The following LRP1B variants were observed in gnomAD, a reference collection of about 807,000 sequenced individuals.
The protein encoded by LRP1B is LDL receptor related protein 1B, also known as low-density lipoprotein receptor-related protein 1B.
Under a neutral mutation model 556.6 loss-of-function variants are expected in LRP1B, and 217 were observed. The observed-to-expected ratio is 0.39, with a 90% confidence interval of 0.35 to 0.44. The LOEUF is 0.44. LRP1B is among the 20% of genes least tolerant of loss of function. LRP1B has a pLI of 1.00. For synonymous variants in LRP1B, 2,047 were observed against 1,865.8 expected (o/e 1.10, Z -2.50); for missense variants, 5,053 against 5,620.8 (o/e 0.90, Z 3.23).
At chr2:140,552,395 T>C (rs1012959140) in intron 43 of LRP1B, among the ~76,000 whole-genome samples, 4 of 152,140 alleles carry the variant, frequency 2.6e-5, no homozygotes, top group African/African-American at 9.7e-5. Context: ...TCTAATAGTT[T>C]AGTTTTTACT....
chr2:141,588,937 G>A (rs749665791), intron 2 of LRP1B, among the ~76,000 whole-genome samples: 2 of 152,046 alleles, frequency 1.3e-5, no homozygotes, highest in African/African-American at 2.4e-5. Context: ...AATTTAACCT[G>A]CAATCTTAAT....
At chr2:142,077,524 G>A (rs1454429398) in intron 1 of LRP1B, among the ~76,000 whole-genome samples, 1 of 152,098 alleles carries the variant, frequency 6.6e-6, no homozygotes, top group East Asian at 1.9e-4. Flanking sequence ...GAACAAAAAT[G>A]TCTATTAGTA....
intron 18 of LRP1B, among the ~76,000 whole-genome samples, chr2:140,961,189 T>C (rs935172683): frequency 2.0e-5 from 3 of 152,004 alleles, no homozygotes; most frequent in Admixed American, 6.6e-5. Context: ...AAAATATCAA[T>C]AAGGATACAT....
At chr2:140,758,874 T>C (rs1010938978) in intron 35 of LRP1B, among the ~76,000 whole-genome samples, 1 of 152,098 alleles carries the variant, frequency 6.6e-6, no homozygotes, top group Non-Finnish European at 1.5e-5. Flanking sequence ...TTAATGAGAA[T>C]AGTATGTCAT....
intron 3 of LRP1B, among the ~76,000 whole-genome samples, chr2:141,306,827 A>G (rs537522735): frequency 1.2e-4 from 18 of 152,160 alleles, no homozygotes; most frequent in Non-Finnish European, 2.1e-4. Flanking sequence ...TTCATTTAAG[A>G]AATTTTTTTA....
chr2:141,998,050 ATAGAGAAATC>A (rs1218669936), intron 1 of LRP1B, among the ~76,000 whole-genome samples: 5 of 152,170 alleles, frequency 3.3e-5, no homozygotes, highest in African/African-American at 1.2e-4. Flanking sequence ...GTTTAAACAT[ATAGAGAAATC>A]TCTGCAGCAA....
intron 43 of LRP1B, among the ~76,000 whole-genome samples, chr2:140,553,359 T>C (rs530422242): frequency 1.5e-4 from 23 of 152,068 alleles, no homozygotes; most frequent in Admixed American, 1.4e-3. Flanking sequence ...TACCCAAATT[T>C]GTAAAGAACA....
intron 12 of LRP1B, among the ~76,000 whole-genome samples, chr2:141,017,138 G>T (rs1026738093): frequency 1.3e-5 from 2 of 151,990 alleles, no homozygotes; most frequent in African/African-American, 4.8e-5. Flanking sequence ...ATTGTATCTT[G>T]TAATTCCTTA....
chr2:141,745,293 C>T (rs1189604213), intron 2 of LRP1B, among the ~76,000 whole-genome samples: 3 of 152,080 alleles, frequency 2.0e-5, no homozygotes, highest in East Asian at 1.9e-4. Context: ...CCCCCATGCC[C>T]CAAGTGGGTC....
intron 1 of LRP1B, among the ~76,000 whole-genome samples, chr2:141,956,525 G>A (rs1701257777): frequency 1.3e-5 from 2 of 151,812 alleles, no homozygotes; most frequent in Admixed American, 1.3e-4. Context: ...CTCACATTCT[G>A]TGACTTATAT....
rs1325980108 is a variant in LRP1B, at chr2:140,378,251, C to G, written c.10567G>C (p.Ala3523Pro). Residue 3523 changes from alanine to proline, a missense_variant, in exon 68 of 91, where the codon GCC (alanine) becomes CCC (proline). Coordinates refer to ENST00000389484, the MANE Select transcript of LRP1B (RefSeq NM_018557.3). The part of the protein sequence containing the change: ...QTCTLKDFLC[A>P]NGDCVSSRFW... ...CTTGAAGAAACACAGTCCCCATTGG[C>G]ACAGAGGAAATCTTTCAATGTACAT... The G allele has an allele frequency of 1.7e-5, 28 of 1,613,342 alleles. No individual in the cohort carries two copies. Among genetic ancestry groups the G allele is most frequent in the Non-Finnish European group, 2.3e-5 (27 of 1,179,492 alleles).
intron 14 of LRP1B, among the ~76,000 whole-genome samples, chr2:141,007,468 A>G (rs1697609409): frequency 6.6e-6 from 1 of 151,600 alleles, no homozygotes; most frequent in Non-Finnish European, 1.5e-5. Flanking sequence ...TTCTGAATTC[A>G]GAGGGTAATT....
At position 140,303,012 on chromosome 2, in the gene LRP1B, CATATATATATATATATATATATAT is replaced by C. The variant is rs59878403; in HGVS notation, c.12806-5067_12806-5044del. On this transcript the variant is annotated intron_variant, in intron 83 of 90. Transcript: ENST00000389484. ...ACCAATTCCAATTATAAATCTCCTT[CATATATATATATATATATATATAT>C]ATATATATATATATATGGACATACA... is the stretch of plus-strand genomic sequence containing the variant. Among the ~76,000 whole-genome samples the C allele has an allele frequency of 2.3e-4, 19 of 82,834 alleles. 1 individual carries two copies. The highest frequency in any genetic ancestry group is 5.0e-4 in the African/African-American group (12 of 23,972). The allele number at this position is 82,834 out of a possible 152,430, so 54.3% of individuals were successfully genotyped here.
At chr2:140,941,223 C>T (rs1390795581) in intron 20 of LRP1B, among the ~76,000 whole-genome samples, 2 of 152,048 alleles carry the variant, frequency 1.3e-5, no homozygotes, top group East Asian at 1.9e-4. Flanking sequence ...TGGATCATCA[C>T]TATAGAACTC....
chr2:141,908,763 A>G (rs1699827998), intron 1 of LRP1B, among the ~76,000 whole-genome samples: 2 of 152,092 alleles, frequency 1.3e-5, no homozygotes, highest in African/African-American at 4.8e-5. Context: ...TCAAATATCA[A>G]CTGAAAGAGT....
At chr2:141,750,679 A>G (rs564570719) in intron 2 of LRP1B, among the ~76,000 whole-genome samples, 126 of 152,274 alleles carry the variant, frequency 8.3e-4, no homozygotes, top group African/African-American at 2.7e-3. Flanking sequence ...AAACATGATT[A>G]TATTAGTTTT....
intron 32 of LRP1B, among the ~76,000 whole-genome samples, chr2:140,794,779 A>T (rs759528864): frequency 6.6e-6 from 1 of 151,706 alleles, no homozygotes; most frequent in Non-Finnish European, 1.5e-5. Flanking sequence ...ACGCCCAGCT[A>T]ATTTTGTATT....
intron 3 of LRP1B, among the ~76,000 whole-genome samples, chr2:141,426,539 A>T (rs1680370186): frequency 6.6e-6 from 1 of 151,852 alleles, no homozygotes; most frequent in South Asian, 2.1e-4. Context: ...AGCTTCTTTG[A>T]AATGACAAAG....
chr2:141,646,873 G>T (rs550303265), intron 2 of LRP1B, among the ~76,000 whole-genome samples: 1 of 152,148 alleles, frequency 6.6e-6, no homozygotes, highest in African/African-American at 2.4e-5. Context: ...TGATCATGCC[G>T]TGGAGACTAG....
Sources: allele counts gnomAD v4.1 joint callset (sites outside exome capture counted in the v4.1 genomes callset), GRCh38; gene constraint gnomAD v4.1.1; transcripts MANE v1.5; gene names NCBI Gene and HGNC (gene_info 2026-07-23, HGNC 2026-07-21).